NEO1: variants seen among roughly 807,000 people sequenced by gnomAD.
NEO1 encodes neogenin.
A neutral mutation model predicts 159.7 loss-of-function variants in NEO1; 63 were observed. The observed-to-expected ratio is 0.39, with a 90% CI of 0.32 to 0.49. NEO1 has a LOEUF of 0.49. Among genes scored for constraint, NEO1 ranks in the 20% least tolerant of loss-of-function variants. NEO1 has a pLI of 0.85. For missense variants in NEO1, 1,615 were observed against 1,831.0 expected (o/e 0.88, Z 2.15); for synonymous variants, 633 against 662.0 (o/e 0.96, Z 0.67).
In NEO1 at chr15:73,276,151, A is replaced by G. The variant is rs946131213; in HGVS notation, c.3193+1427A>G. ...CACTTGATTCCATAGCCAGAGTGCAATTCTTAGCTGCCTGACACCTCTGGT... is the reference window on the plus strand; with the variant it reads ...CACTTGATTCCATAGCCAGAGTGCAGTTCTTAGCTGCCTGACACCTCTGGT... On this transcript the variant is annotated intron_variant, in intron 21 of 28. Transcript: ENST00000261908. Among the ~76,000 whole-genome samples the G allele has an allele frequency of 3.9e-5, 6 of 152,208 alleles. No individual in the cohort carries two copies. The South Asian group carries it at 8.3e-4, about 21-fold the overall frequency.
At chr15:73,213,101 C>G (rs148415043) in intron 7 of NEO1, among the ~76,000 whole-genome samples, 177 of 152,234 alleles carry the variant, frequency 1.2e-3, no homozygotes, top group African/African-American at 4.1e-3. Context: ...ATTTTTATAA[C>G]AAGCATATTG....
At chr15:73,266,501 G>A in intron 16 of NEO1, 90 bp downstream of exon 16, 2 of 919,106 alleles carry the variant, frequency 2.2e-6, no homozygotes, top group Non-Finnish European at 3.1e-6. Context: ...AGGTGTTAGG[G>A]AAGAAAAAGC....
At chr15:73,225,813 TC>T (rs2038552162) in intron 7 of NEO1, among the ~76,000 whole-genome samples, 1 of 152,112 alleles carries the variant, frequency 6.6e-6, no homozygotes. Flanking sequence ...AGGAGGGTTC[TC>T]CCCAGCTTCA....
chr15:73,270,877 C>T (rs139975330), intron 18 of NEO1, among the ~76,000 whole-genome samples: 80 of 152,258 alleles, frequency 5.3e-4, no homozygotes, highest in African/African-American at 1.8e-3. Context: ...TGAAATAATC[C>T]TTAAGGTCTT....
At chr15:73,097,885 C>G (rs956623428) in intron 1 of NEO1, among the ~76,000 whole-genome samples, 1 of 143,592 alleles carries the variant, frequency 7.0e-6, no homozygotes, top group African/African-American at 2.6e-5. Flanking sequence ...GTCATCATTA[C>G]TAGGCCTTTT....
chr15:73,087,746 C>A (rs952472563), intron 1 of NEO1, among the ~76,000 whole-genome samples: 19 of 151,932 alleles, frequency 1.3e-4, no homozygotes. Context: ...TTTTGGAATT[C>A]TTTTTCTAGT....
At chr15:73,139,907 A>G (rs2032214015) in intron 5 of NEO1, among the ~76,000 whole-genome samples, 2 of 152,348 alleles carry the variant, frequency 1.3e-5, no homozygotes, top group South Asian at 4.1e-4. Flanking sequence ...CTCTTTACAG[A>G]AAAAGTTTGC....
chr15:73,289,324 C>A, intron 25 of NEO1, 86 bp downstream of exon 25: 1 of 1,124,870 alleles, frequency 8.9e-7, no homozygotes, highest in Non-Finnish European at 1.3e-6. Context: ...TTTGACTTCA[C>A]TTGATTCTAA....
chr15:73,196,418 TC>T (rs2036535383), intron 7 of NEO1, among the ~76,000 whole-genome samples: 1 of 152,254 alleles, frequency 6.6e-6, no homozygotes, highest in African/African-American at 2.4e-5. Flanking sequence ...AGTAGTGTGT[TC>T]CTATCAGATT....
intron 7 of NEO1, among the ~76,000 whole-genome samples, chr15:73,218,114 T>G (rs1488607048): frequency 6.6e-6 from 1 of 152,238 alleles, no homozygotes; most frequent in Non-Finnish European, 1.5e-5. Flanking sequence ...ATACCTAATT[T>G]ATTGAGAGTT....
chr15:73,154,328 G>T (rs916564392), intron 5 of NEO1, among the ~76,000 whole-genome samples: 1 of 152,054 alleles, frequency 6.6e-6, no homozygotes, highest in East Asian at 1.9e-4. Flanking sequence ...CATCACCCAA[G>T]CATTTATCCT....
chr15:73,059,991 A>G (rs538815106), intron 1 of NEO1, among the ~76,000 whole-genome samples: 3 of 152,120 alleles, frequency 2.0e-5, no homozygotes, highest in Non-Finnish European at 2.9e-5. Flanking sequence ...TAATGATACT[A>G]TGTGGAAATT....
intron 7 of NEO1, among the ~76,000 whole-genome samples, chr15:73,209,740 C>T (rs1484810280): frequency 6.6e-6 from 1 of 152,098 alleles, no homozygotes; most frequent in Non-Finnish European, 1.5e-5. Context: ...GCCTGTAATT[C>T]CAGCACTTTG....
intron 5 of NEO1, among the ~76,000 whole-genome samples, chr15:73,139,675 A>G (rs1313742367): frequency 1.3e-5 from 2 of 152,240 alleles, no homozygotes; most frequent in African/African-American, 4.8e-5. Context: ...AAAATAGTTT[A>G]TATATTTTTA....
chr15:73,115,932 G>T (rs936595091), intron 1 of NEO1, among the ~76,000 whole-genome samples: 1 of 151,692 alleles, frequency 6.6e-6, no homozygotes, highest in East Asian at 1.9e-4. Context: ...TATGATCTTG[G>T]GATAAAAAAG....
chr15:73,086,422 T>TC (rs1346382451), intron 1 of NEO1, among the ~76,000 whole-genome samples: 21 of 152,196 alleles, frequency 1.4e-4, no homozygotes, highest in Non-Finnish European at 2.9e-5. Flanking sequence ...TCTTTCTTTT[T>TC]CCCTGTAAGT....
At chr15:73,279,351 G>GTTTTTTTTTTTTTTTTTTTTTTT (rs869029902) in intron 22 of NEO1, among the ~76,000 whole-genome samples, 20 of 119,342 alleles carry the variant, frequency 1.7e-4, no homozygotes, top group African/African-American at 3.3e-4. Context: ...TTTGGTTTTG[G>GTTTTTTTTTTTTTTTTTTTTTTT]TTTTTTTTTT....
chr15:73,196,289 G>C (rs1172927432), intron 7 of NEO1, among the ~76,000 whole-genome samples: 1 of 152,164 alleles, frequency 6.6e-6, no homozygotes. Context: ...AATGGGAGGA[G>C]TATTTTGTGT....
chr15:73,160,192 C>T (rs968462535), intron 5 of NEO1, among the ~76,000 whole-genome samples: 2 of 152,022 alleles, frequency 1.3e-5, no homozygotes, highest in African/African-American at 4.8e-5. Context: ...TATACAAAAA[C>T]CCCAAAACAC....
Sources: allele counts gnomAD v4.1 joint callset (sites outside exome capture counted in the v4.1 genomes callset), GRCh38; gene constraint gnomAD v4.1.1; transcripts MANE v1.5; gene names NCBI Gene and HGNC (gene_info 2026-07-23, HGNC 2026-07-21).